EML5: variants seen among roughly 807,000 people sequenced by gnomAD.
EML5 encodes the protein echinoderm microtubule-associated protein-like 5.
In EML5, 120 loss-of-function variants were observed where a neutral mutation model predicts 250.0. The ratio of observed to expected loss-of-function variants is 0.48; its 90% CI spans 0.41 to 0.56. The LOEUF is 0.56. Ranked by LOEUF, EML5 falls within the 20% of genes least tolerant of loss-of-function variation. The pLI, the probability that EML5 is intolerant of heterozygous loss-of-function variation, is 0.00. For missense variants in EML5, 2,006 were observed against 2,437.6 expected (o/e 0.82, Z 3.73); for synonymous variants, 771 against 806.5 (o/e 0.96, Z 0.75).
intron 21 of EML5, among the ~76,000 whole-genome samples, chr14:88,671,931 C>A (rs77138386): frequency 5.1e-4 from 77 of 152,214 alleles, no homozygotes; most frequent in Non-Finnish European, 9.9e-4. Context: ...GAAGAGACAA[C>A]TTAAACTCCC....
chr14:88,723,153 C>T (rs933335762), intron 8 of EML5, among the ~76,000 whole-genome samples: 1 of 152,130 alleles, frequency 6.6e-6, no homozygotes, highest in Admixed American at 6.5e-5. Context: ...GGGCTCATGC[C>T]TGTAATCCCA....
intron 1 of EML5, among the ~76,000 whole-genome samples, chr14:88,776,548 A>C (rs2094448604): frequency 6.6e-6 from 1 of 152,068 alleles, no homozygotes; most frequent in South Asian, 2.1e-4. Flanking sequence ...GTCTGAAGAC[A>C]GGTTATTTTA....
intron 6 of EML5, among the ~76,000 whole-genome samples, chr14:88,737,239 C>A (rs1163166395): frequency 6.6e-6 from 1 of 152,188 alleles, no homozygotes; most frequent in Non-Finnish European, 1.5e-5. Context: ...ATTTATTGGG[C>A]AGGACTGAAA....
At chr14:88,651,197 G>T (rs2091610398) in intron 27 of EML5, among the ~76,000 whole-genome samples, 1 of 138,848 alleles carries the variant, frequency 7.2e-6, no homozygotes, top group Non-Finnish European at 1.5e-5. Context: ...AGTAGAGCTT[G>T]GACTCTGCCA....
chr14:88,723,579 G>T (rs1261482085), intron 8 of EML5, among the ~76,000 whole-genome samples: 3 of 152,138 alleles, frequency 2.0e-5, no homozygotes, highest in African/African-American at 4.8e-5. Context: ...CTTGAAAATT[G>T]CTAAGACACA....
rs145263179 is a variant in EML5, at chr14:88,723,160, C to G, written c.1187+3381G>C. Among the ~76,000 whole-genome samples, 8 of 152,268 alleles carry G rather than the reference C, an allele frequency of 5.3e-5. 1 individual carries two copies. The highest frequency in any genetic ancestry group is 1.9e-4 in the African/African-American group (8 of 41,548). On this transcript the variant is annotated intron_variant, in intron 8 of 43. Coordinates refer to ENST00000554922, the MANE Select transcript of EML5 (RefSeq NM_183387.3). ...GGGCACAGGGGCTCATGCCTGTAAT[C>G]CCAGCACTTTCAGCAGCTGAGGCAG...
At chr14:88,755,839 A>AT (rs1025342701) in intron 1 of EML5, among the ~76,000 whole-genome samples, 2 of 151,910 alleles carry the variant, frequency 1.3e-5, no homozygotes, top group African/African-American at 4.8e-5. Context: ...CAAAAAAAAA[A>AT]TTTTTTTTAA....
intron 20 of EML5, 111 bp from the exon 21 acceptor site, chr14:88,682,142 C>A (rs17260380): frequency 9.0e-7 from 1 of 1,109,950 alleles, no homozygotes; most frequent in Non-Finnish European, 1.2e-6. Flanking sequence ...AATAGGATAC[C>A]GAATAGTGAG....
rs762060171 is a variant in EML5 at position 88,626,918 on chromosome 14, C to T, written c.4660G>A (p.Ala1554Thr). ...AGTAGCCCTTTTTTGCTAAGAAGAG[C>T]TCTTCCTGCCAGGGTCCAGAACTTC... ...HVKFWTLAGRALLSKKGLLST... is the reference protein window; with the variant it reads ...HVKFWTLAGRTLLSKKGLLST... Residue 1554 changes from alanine (A) to threonine (T), a missense_variant, in exon 35 of 44, where the codon GCT becomes ACT. Transcript: ENST00000554922. 5.0e-6 allele frequency: 8 copies of T among 1,613,862 alleles called. 1 individual carries two copies. The African/African-American group carries it at 5.3e-5, about 11-fold the overall frequency.
At chr14:88,767,022 G>C (rs184051444) in intron 1 of EML5, among the ~76,000 whole-genome samples, 1 of 152,240 alleles carries the variant, frequency 6.6e-6, no homozygotes, top group Non-Finnish European at 1.5e-5. Flanking sequence ...ATAAATTGTT[G>C]AGATTTTAGT....
Position 88,625,017 on chromosome 14 carries a change from G to A in EML5, c.4851C>T (p.Tyr1617=), listed in dbSNP as rs2089706839. The A allele has an allele frequency of 1.2e-6, 2 of 1,613,734 alleles. No homozygotes were observed. The highest frequency in any genetic ancestry group is 1.7e-5 in the Admixed American group (1 of 60,010). The change falls in exon 36 of 44, where the codon TAC becomes TAT. Residue 1617 remains tyrosine, a synonymous_variant. Coordinates refer to ENST00000554922, the MANE Select transcript of EML5 (RefSeq NM_183387.3). The part of the protein sequence containing the change: ...RAHNGPVFAM[Y]TTLRDGLIVT... ...CGATAAGTCCATCTCGCAGGGTGGTGTACATGGCAAACACAGGCCCGTTGT... is the reference window on the plus strand; with the variant it reads ...CGATAAGTCCATCTCGCAGGGTGGTATACATGGCAAACACAGGCCCGTTGT...
chr14:88,736,202 T>C (rs1161781464), intron 7 of EML5, among the ~76,000 whole-genome samples, 162 bp downstream of exon 7: 1 of 152,130 alleles, frequency 6.6e-6, no homozygotes, highest in Non-Finnish European at 1.5e-5. Context: ...GGTTTCACTA[T>C]GTTGGCCAGG....
At chr14:88,662,452 T>C (rs951065657) in intron 24 of EML5, among the ~76,000 whole-genome samples, 1 of 150,656 alleles carries the variant, frequency 6.6e-6, no homozygotes, top group East Asian at 2.0e-4. Flanking sequence ...ACTCCAATCT[T>C]AGATGGCATG....
rs1450910299 is a variant in EML5 at position 88,688,279 on chromosome 14, A to T, written c.2734T>A (p.Leu912Met). Residue 912 changes from leucine to methionine, a missense_variant, in exon 18 of 44, where the codon TTG becomes ATG. Leu to Met is a conservative substitution (Grantham distance 15, BLOSUM62 2). Around this residue, in one of 7 missense-constraint regions of EML5, gnomAD observed 1,375 missense variants for 1,590.3 expected, o/e 0.86. Transcript: ENST00000554922. ...HDGPVFSMHA[L>M]EKGFVTGGKD... ...CTCTTTAGGTTACTTACTTTTTCCAATGCATGCATACTGAACACTGGCCCA... is the reference window on the plus strand; with the variant it reads ...CTCTTTAGGTTACTTACTTTTTCCATTGCATGCATACTGAACACTGGCCCA... 1.2e-6 allele frequency: 2 copies of T among 1,613,742 alleles called. No individual in the cohort carries two copies. Among genetic ancestry groups the T allele is most frequent in the African/African-American group, 2.7e-5 (2 of 74,910 alleles).
intron 8 of EML5, among the ~76,000 whole-genome samples, chr14:88,724,222 C>A (rs538267866): frequency 6.7e-6 from 1 of 150,118 alleles, no homozygotes; most frequent in Non-Finnish European, 1.5e-5. Flanking sequence ...CTGCAGTGAG[C>A]CGAGATTGCG....
chr14:88,644,507 G>C lies in EML5; in HGVS notation c.4033C>G (p.Pro1345Ala). ...GGCTGTGGTGGGGCCCTGCTCACTGGAGGCCTGCAACAGAGAAGTGGGGAG... is the reference window on the plus strand; with the variant it reads ...GGCTGTGGTGGGGCCCTGCTCACTGCAGGCCTGCAACAGAGAAGTGGGGAG... Reference protein sequence around the residue: ...RQGVVRGSRPPVSRAPPQPEK... With the variant: ...RQGVVRGSRPAVSRAPPQPEK... The change falls in exon 30 of 44, where the codon CCA becomes GCA. Residue 1345 changes from proline (P) to alanine (A), a missense_variant. Pro to Ala is a conservative substitution (Grantham distance 27). Around this residue, in one of 7 missense-constraint regions of EML5, gnomAD observed 1,375 missense variants for 1,590.3 expected, o/e 0.86. Coordinates refer to ENST00000554922, the MANE Select transcript of EML5 (RefSeq NM_183387.3). 6.2e-7 allele frequency: 1 copy of C among 1,613,616 alleles called. No individual in the cohort carries two copies. Among genetic ancestry groups the C allele is most frequent in the Non-Finnish European group, 8.5e-7 (1 of 1,179,756 alleles).
Position 88,649,945 on chromosome 14 carries a change from G to A in EML5, c.4005-19C>T. ...TCCCTGCCTTCAAAAGGAGCAAGGG[G>A]GAAAAAAGTAGGAAAACATATAAAA... is the stretch of plus-strand genomic sequence containing the variant. On this transcript the variant is annotated intron_variant, in intron 27 of 43. Coordinates refer to ENST00000554922, the MANE Select transcript of EML5 (RefSeq NM_183387.3). 1.4e-6 allele frequency: 2 copies of A among 1,460,376 alleles called. No homozygotes were observed. Among genetic ancestry groups the A allele is most frequent in the Admixed American group, 2.8e-5 (1 of 36,092 alleles). The allele number at this position is 1,460,376 out of a possible 1,614,324, so 90.5% of individuals were successfully genotyped here.
chr14:88,620,530 A>C lies in EML5; in HGVS notation c.5375+224T>G, dbSNP rs984477280. ...AAGTGTTAACATGAATTCATCAAAC[A>C]TTACCTACTAGTACTTGCTATTATA... On this transcript the variant is annotated intron_variant, in intron 39 of 43. Coordinates refer to ENST00000554922, the MANE Select transcript of EML5 (RefSeq NM_183387.3). The surrounding 1 kb of genome is among the most constrained non-coding windows in gnomAD (Gnocchi z 4.3). The C allele has an allele frequency of 7.8e-6, 3 of 384,548 alleles. No homozygotes were observed. The East Asian group carries it at 1.2e-4, about 15-fold the overall frequency. The allele number at this position is 384,548 out of a possible 1,614,324, so 23.8% of individuals were successfully genotyped here.
intron 21 of EML5, among the ~76,000 whole-genome samples, chr14:88,671,641 T>C (rs2092465449): frequency 6.6e-6 from 1 of 152,176 alleles, no homozygotes; most frequent in Non-Finnish European, 1.5e-5. Context: ...ACTGGTGTGC[T>C]ATATTCAAGA....
Sources: gnomAD v4.1 joint callset for allele counts (sites outside exome capture counted in the v4.1 genomes callset) on GRCh38, gnomAD v4.1.1 for gene constraint, gnomAD v4.1.1 regional missense constraint, Gnocchi (gnomAD v3.1) non-coding constraint, MANE v1.5 for transcripts, NCBI Gene and HGNC (gene_info 2026-07-23, HGNC 2026-07-21) for gene names.